The following MROH2B variants were observed in gnomAD, a reference collection of about 807,000 sequenced individuals.
MROH2B encodes maestro heat-like repeat-containing protein family member 2B.
In MROH2B, 177 loss-of-function variants were observed where a neutral mutation model predicts 208.6. The ratio of observed to expected loss-of-function variants is 0.85; its 90% CI spans 0.75 to 0.96. The LOEUF is 0.96. Among genes scored for constraint, MROH2B ranks in the 40% least tolerant of loss-of-function variants. The pLI is 0.00. For missense variants in MROH2B, 2,002 were observed against 1,878.7 expected (o/e 1.07, Z -1.21); for synonymous variants, 728 against 659.0 (o/e 1.10, Z -1.60).
chr5:41,020,180 G>T, intron 24 of MROH2B, among the ~76,000 whole-genome samples: 1 of 151,954 alleles, frequency 6.6e-6, no homozygotes, highest in African/African-American at 2.4e-5. Context: ...TTAAAATAAT[G>T]AATATATGTT....
At chr5:41,028,052 G>A (rs180986194) in intron 24 of MROH2B, among the ~76,000 whole-genome samples, 3 of 152,122 alleles carry the variant, frequency 2.0e-5, no homozygotes, top group Admixed American at 2.0e-4. Flanking sequence ...GTGGGGGGAT[G>A]GGGGAGGGAT....
intron 24 of MROH2B, among the ~76,000 whole-genome samples, chr5:41,022,698 G>C (rs559231824): frequency 1.3e-5 from 2 of 152,348 alleles, no homozygotes; most frequent in African/African-American, 4.8e-5. Flanking sequence ...TTTGAAGAGA[G>C]TAGTGGTTCT....
At chr5:41,014,770 G>C (rs1741883779) in intron 29 of MROH2B, among the ~76,000 whole-genome samples, 1 of 152,056 alleles carries the variant, frequency 6.6e-6, no homozygotes, top group Non-Finnish European at 1.5e-5. Context: ...ATCTCTTTCA[G>C]GGTGTTCTTC....
chr5:41,057,068 G>T lies in MROH2B; in HGVS notation c.919+41C>A. 1.9e-6 allele frequency: 3 copies of T among 1,591,974 alleles called. No homozygotes were observed. The South Asian group carries it at 3.3e-5, about 18-fold the overall frequency. ...TTTACCATTGTCATCATCATCACTT[G>T]GGGACATTTTTATTAAAAGCCTTCT... On this transcript the variant is annotated intron_variant, in intron 9 of 41. Transcript: ENST00000399564.
At chr5:41,033,781 T>TTATCTATC (rs368384200) in intron 22 of MROH2B, 57 bp downstream of exon 22, 24,876 of 770,092 alleles carry the variant, frequency 0.032, 554 homozygotes, top group East Asian at 0.04. Context: ...CAGGGGGGCA[T>TTATCTATC]TATCTATCTA....
intron 24 of MROH2B, among the ~76,000 whole-genome samples, chr5:41,026,742 C>A (rs1385743391): frequency 1.3e-5 from 2 of 152,116 alleles, no homozygotes; most frequent in African/African-American, 4.8e-5. Flanking sequence ...CAATCCTAAG[C>A]CAAAAGAACA....
At position 40,998,683 on chromosome 5, in the gene MROH2B, G is replaced by C; in HGVS notation, c.4586-6C>G. ...CAAATTGAGAACAACGGCATCTAAA[G>C]TTAATAGGAGACCATGTTACTGATT... On this transcript the variant is annotated splice_polypyrimidine_tract_variant and splice_region_variant and intron_variant, in intron 40 of 41. Transcript: ENST00000399564. The C allele has an allele frequency of 6.4e-7, 1 of 1,573,780 alleles. No individual in the cohort carries two copies. The highest frequency in any genetic ancestry group is 8.6e-7 in the Non-Finnish European group (1 of 1,157,636).
chr5:41,060,656 C>T (rs1204784420), intron 6 of MROH2B, among the ~76,000 whole-genome samples: 2 of 152,180 alleles, frequency 1.3e-5, no homozygotes, highest in Non-Finnish European at 2.9e-5. Context: ...CAGTTAAGTG[C>T]TTCCCTCTCT....
chr5:41,007,184 T>C, intron 34 of MROH2B, 130 bp downstream of exon 34: 1 of 865,522 alleles, frequency 1.2e-6, no homozygotes, highest in South Asian at 4.6e-5. Context: ...TCTTTCCTGT[T>C]TGTCCTCCTT....
chr5:41,063,850 T>C (rs1019466317), intron 5 of MROH2B, among the ~76,000 whole-genome samples: 3 of 152,186 alleles, frequency 2.0e-5, no homozygotes, highest in African/African-American at 7.2e-5. Flanking sequence ...TCCTAGGAAT[T>C]CCAGGGCACG....
chr5:41,046,412 C>T (rs1378220068), intron 17 of MROH2B, among the ~76,000 whole-genome samples: 2 of 151,814 alleles, frequency 1.3e-5, no homozygotes, highest in Non-Finnish European at 2.9e-5. Context: ...AACCCATGTC[C>T]TTCTTCTTTG....
At chr5:41,021,968 C>T (rs1188569969) in intron 24 of MROH2B, among the ~76,000 whole-genome samples, 1 of 152,144 alleles carries the variant, frequency 6.6e-6, no homozygotes, top group Non-Finnish European at 1.5e-5. Context: ...ACAAGGGTGC[C>T]AAGACCATTC....
Position 41,047,717 on chromosome 5 carries a change from T to G in MROH2B, c.1728+4A>C. 6.3e-7 allele frequency: 1 copy of G among 1,593,688 alleles called. No individual in the cohort carries two copies. Among genetic ancestry groups the G allele is most frequent in the Non-Finnish European group, 8.6e-7 (1 of 1,169,118 alleles). ...TTAAAAATTATTCTAGAAGCCAGCCTTACCTGAAGCAGCATGGTTTCCCAT... is the reference window on the plus strand; with the variant it reads ...TTAAAAATTATTCTAGAAGCCAGCCGTACCTGAAGCAGCATGGTTTCCCAT... On this transcript the variant is annotated splice_donor_region_variant and intron_variant, in intron 17 of 41. Transcript: ENST00000399564.
rs560240218 is a variant in MROH2B at position 41,029,051 on chromosome 5, C to A, written c.2441+3691G>T. ...TTTAATTTCTTTTGGACCCTCCATC[C>A]CGTTTTCCATAATGGATGCACCAAT... On this transcript the variant is annotated intron_variant, in intron 24 of 41. Transcript: ENST00000399564. Among the ~76,000 whole-genome samples the A allele has an allele frequency of 5.9e-5, 9 of 152,194 alleles. 1 individual carries two copies. The South Asian group carries it at 1.9e-3, about 32-fold the overall frequency.
In MROH2B at chr5:41,007,437, A is replaced by G; in HGVS notation, c.3626T>C (p.Leu1209Ser). 2 of 1,577,638 alleles carry G rather than the reference A, an allele frequency of 1.3e-6. No individual in the cohort carries two copies. The highest frequency in any genetic ancestry group is 1.7e-6 in the Non-Finnish European group (2 of 1,162,826). ...CATGGCTTGGGCTTGCAAACATTTT[A>G]AAGTAGCAGTTGAAAGCCTAAAGGA... ...PDPCRLSTAT[L>S]KCLQAQAMRE... Residue 1209 changes from leucine (L) to serine (S), a missense_variant, in exon 34 of 42, where the codon TTA (leucine) becomes TCA (serine). By Grantham distance (145) the Leu-to-Ser change is moderately radical (BLOSUM62 -2). Coordinates refer to ENST00000399564, the MANE Select transcript of MROH2B (RefSeq NM_173489.5).
intron 41 of MROH2B, among the ~76,000 whole-genome samples, chr5:40,998,392 T>C (rs1184149933): frequency 2.6e-5 from 4 of 152,198 alleles, no homozygotes; most frequent in Admixed American, 2.6e-4. Context: ...TTTAGGCAAT[T>C]GGAAAATCGT....
intron 18 of MROH2B, 147 bp from the exon 19 acceptor site, chr5:41,042,355 A>G (rs997976041): frequency 5.7e-5 from 30 of 529,476 alleles, no homozygotes; most frequent in African/African-American, 5.5e-4. Flanking sequence ...TCTTCTTGAG[A>G]GTGTTTCCTT....
At chr5:41,022,168 G>A (rs1024504312) in intron 24 of MROH2B, among the ~76,000 whole-genome samples, 4 of 152,168 alleles carry the variant, frequency 2.6e-5, no homozygotes, top group African/African-American at 9.7e-5. Flanking sequence ...TGAGGTACCA[G>A]GTACATCTCA....
intron 2 of MROH2B, among the ~76,000 whole-genome samples, chr5:41,068,475 T>G (rs894162828): frequency 6.6e-6 from 1 of 152,144 alleles, no homozygotes; most frequent in African/African-American, 2.4e-5. Context: ...ATATATTCAT[T>G]TTATAGATGA....
Sources: gnomAD v4.1 joint callset for allele counts (sites outside exome capture counted in the v4.1 genomes callset) on GRCh38, gnomAD v4.1.1 for gene constraint, MANE v1.5 for transcripts, NCBI Gene and HGNC (gene_info 2026-07-23, HGNC 2026-07-21) for gene names.